Variants in MAST3 observed in about 807,000 individuals in gnomAD.
The protein encoded by MAST3 is microtubule associated serine/threonine kinase 3, also known as microtubule-associated serine/threonine-protein kinase 3.
In MAST3, 43 loss-of-function variants were observed where a neutral mutation model predicts 127.0. The ratio of observed to expected loss-of-function variants is 0.34; its 90% CI spans 0.27 to 0.44. The LOEUF is 0.44. Ranked by LOEUF, MAST3 falls within the 20% of genes least tolerant of loss-of-function variation. The pLI is 1.00. For missense variants in MAST3, 1,390 were observed against 1,919.1 expected (o/e 0.72, Z 5.15); for synonymous variants, 785 against 809.2 (o/e 0.97, Z 0.51).
chr19:18,143,759 G>C lies in MAST3; in HGVS notation c.2340-4G>C. 1 of 1,613,308 alleles carries C rather than the reference G, an allele frequency of 6.2e-7. No homozygotes were observed. Among genetic ancestry groups the C allele is most frequent in the Non-Finnish European group, 8.5e-7 (1 of 1,179,758 alleles). ...GGGGTGATGCAGGCTCTTCCTCCCT[G>C]CAGGCTGAGGTCCTGGACATCCTCT... On this transcript the variant is annotated splice_polypyrimidine_tract_variant and splice_region_variant and intron_variant, in intron 21 of 27. Coordinates refer to ENST00000687212, the MANE Select transcript of MAST3 (RefSeq NM_001393504.1).
intron 3 of MAST3, among the ~76,000 whole-genome samples, chr19:18,118,844 T>C (rs1342184643): frequency 6.6e-6 from 1 of 152,084 alleles, no homozygotes; most frequent in Non-Finnish European, 1.5e-5. Context: ...CTCCTTAACC[T>C]CTCTGTGCTT....
At chr19:18,146,800 T>C (rs2043060587) in intron 25 of MAST3, 81 bp from the exon 26 acceptor site, 2 of 1,373,712 alleles carry the variant, frequency 1.5e-6, no homozygotes, top group Non-Finnish European at 2.0e-6. Flanking sequence ...GTGCCCGGAG[T>C]GAAGGGGACA....
At position 18,145,862 on chromosome 19, in the gene MAST3, GA is replaced by G; in HGVS notation, c.3161del (p.Lys1054ArgfsTer51). The G allele has an allele frequency of 6.3e-7, 1 of 1,592,166 alleles. No individual in the cohort carries two copies. Among genetic ancestry groups the G allele is most frequent in the African/African-American group, 1.4e-5 (1 of 73,702 alleles). ...ACATGGACGTCGTGGAGCTGCTGCT[GA>G]AGGTGCGGCACCCCCACTGCCCACC... ...VHMDVVELLL[K>X]SGNKISLRTT... On this transcript the variant is annotated frameshift_variant and splice_region_variant, in exon 25 of 28. Coordinates refer to ENST00000687212, the MANE Select transcript of MAST3 (RefSeq NM_001393504.1). LOFTEE classifies it high-confidence loss of function. This position sits in a 1 kb window ranked among gnomAD's most constrained non-coding sequence, Gnocchi z 5.9.
chr19:18,125,501 G>T (rs1219156094), intron 11 of MAST3, among the ~76,000 whole-genome samples: 3 of 151,992 alleles, frequency 2.0e-5, no homozygotes, highest in Non-Finnish European at 4.4e-5. Context: ...CAGCACTTTT[G>T]GGAGGCCGAG....
At position 18,145,936 on chromosome 19, in the gene MAST3, G is replaced by T. The variant is rs2042973029; in HGVS notation, c.3162+71G>T. The T allele has an allele frequency of 1.9e-5, 28 of 1,487,128 alleles. No homozygotes were observed. The South Asian group carries it at 3.3e-4, about 18-fold the overall frequency. 92.1% of individuals were successfully genotyped at this position (1,487,128 alleles called of 1,614,324 possible). A position where few individuals can be genotyped will look rare whatever the true frequency, so the allele number is the denominator to read the frequency against. On this transcript the variant is annotated intron_variant, in intron 25 of 27. Coordinates refer to ENST00000687212, the MANE Select transcript of MAST3 (RefSeq NM_001393504.1). This position sits in a 1 kb window ranked among gnomAD's most constrained non-coding sequence, Gnocchi z 5.9. ...TGGCCGCAGCTCCCGGTTCCCCGTG[G>T]TTCTCCGCGTCCAGACACACAACCC... is the stretch of plus-strand genomic sequence containing the variant.
chr19:18,107,957 A>G (rs1396651824), intron 2 of MAST3, among the ~76,000 whole-genome samples: 1 of 152,168 alleles, frequency 6.6e-6, no homozygotes, highest in Admixed American at 6.5e-5. Flanking sequence ...AATGCCTCTC[A>G]TGACGGGGAG....
intron 27 of MAST3, among the ~76,000 whole-genome samples, chr19:18,148,165 G>A (rs555676202): frequency 1.3e-5 from 2 of 152,160 alleles, no homozygotes; most frequent in Non-Finnish European, 2.9e-5. Flanking sequence ...GCCAGGTGTG[G>A]TGGCACATGC....
chr19:18,109,923 C>T, intron 2 of MAST3: 1 of 983,908 alleles, frequency 1.0e-6, no homozygotes, highest in Non-Finnish European at 1.2e-6. Context: ...CGGGCCGGGG[C>T]GGGGAGAGGC....
At chr19:18,137,666 C>T (rs2042020599) in intron 19 of MAST3, among the ~76,000 whole-genome samples, 1 of 152,152 alleles carries the variant, frequency 6.6e-6, no homozygotes, top group African/African-American at 2.4e-5. Flanking sequence ...CCTGGGTGTC[C>T]GTCCCTGACC....
chr19:18,147,021 C>G lies in MAST3; in HGVS notation c.3303C>G (p.Cys1101Trp), dbSNP rs377181632. 3.2e-6 allele frequency: 5 copies of G among 1,569,322 alleles called. No individual in the cohort carries two copies. Among genetic ancestry groups the G allele is most frequent in the East Asian group, 4.7e-5 (2 of 42,984 alleles). The change falls in exon 26 of 28, where the codon TGC (cysteine) becomes TGG (tryptophan). Residue 1101 changes from cysteine to tryptophan, a missense_variant. Transcript: ENST00000687212. ...RSRRRETQDR[C>W]AAVTTRERRK... ...GTCGGCGGGAGACCCAGGATCGGTGCGCGGCAGTGACCACCAGGGAGCGGT... is the reference window on the plus strand; with the variant it reads ...GTCGGCGGGAGACCCAGGATCGGTGGGCGGCAGTGACCACCAGGGAGCGGT...
intron 20 of MAST3, among the ~76,000 whole-genome samples, chr19:18,140,290 A>G (rs529435033): frequency 4.0e-4 from 1 of 2,480 alleles, no homozygotes; most frequent in East Asian, 0.01. Flanking sequence ...AGGCAAGAGT[A>G]TTGCCTGAAC....
rs1318060754 is a variant in MAST3, at chr19:18,149,654, C to T, written c.3972C>T (p.Thr1324=). 2.5e-6 allele frequency: 4 copies of T among 1,613,134 alleles called. No individual in the cohort carries two copies. Among genetic ancestry groups the T allele is most frequent in the Middle Eastern group, 1.6e-4 (1 of 6,084 alleles). ...EPQEEATGLP[T]SVPQIAVEGE... ...AGGAGGAGGCCACTGGGCTGCCCAC[C>T]TCAGTGCCACAGATCGCCGTGGAGG... Residue 1324 remains threonine (T), a synonymous_variant, in exon 28 of 28, where the codon ACC becomes ACT. Coordinates refer to ENST00000687212, the MANE Select transcript of MAST3 (RefSeq NM_001393504.1). The surrounding 1 kb of genome is among the most constrained non-coding windows in gnomAD (Gnocchi z 5.9).
chr19:18,127,422 A>G (rs2040779627), intron 11 of MAST3, among the ~76,000 whole-genome samples: 1 of 151,660 alleles, frequency 6.6e-6, no homozygotes, highest in South Asian at 2.1e-4. Context: ...AGTGGCTTAT[A>G]CCTGTAATCC....
intron 27 of MAST3, 114 bp downstream of exon 27, chr19:18,147,738 T>C (rs1308418954): frequency 2.6e-6 from 2 of 783,732 alleles, no homozygotes; most frequent in East Asian, 2.7e-5. Flanking sequence ...GGGAAAAAGA[T>C]GACCGGGATC....
chr19:18,146,836 C>A, intron 25 of MAST3, 45 bp from the exon 26 acceptor site: 1 of 1,510,594 alleles, frequency 6.6e-7, no homozygotes, highest in Non-Finnish European at 8.9e-7. Context: ...AAGTGCTGGG[C>A]CCTGTGAGAG....
chr19:18,115,968 C>T (rs1188348365), intron 3 of MAST3, among the ~76,000 whole-genome samples: 1 of 152,130 alleles, frequency 6.6e-6, no homozygotes, highest in Non-Finnish European at 1.5e-5. Flanking sequence ...TAGCCAGCTC[C>T]TTCCTCCTCC....
In MAST3 at chr19:18,146,916, G is replaced by A. The variant is rs1053952908; in HGVS notation, c.3198G>A (p.Leu1066=). 2 of 1,557,390 alleles carry A rather than the reference G, an allele frequency of 1.3e-6. No individual in the cohort carries two copies. Among genetic ancestry groups the A allele is most frequent in the Non-Finnish European group, 1.7e-6 (2 of 1,150,268 alleles). The part of the protein sequence containing the change: ...GNKISLRTTA[L]ENTSIKVGPA... ...AGATATCCCTGCGGACCACAGCCCT[G>A]GAGAACACCTCCATCAAGGTGGGCC... Residue 1066 remains leucine (L), a synonymous_variant, in exon 26 of 28, where the codon CTG becomes CTA. Coordinates refer to ENST00000687212, the MANE Select transcript of MAST3 (RefSeq NM_001393504.1).
In MAST3 at chr19:18,110,272, C is replaced by T. The variant is rs1419367225; in HGVS notation, c.72-380C>T. On this transcript the variant is annotated intron_variant, in intron 2 of 27. Transcript: ENST00000687212. The surrounding 1 kb of genome is among the most constrained non-coding windows in gnomAD (Gnocchi z 4.3). Reference sequence around the variant, plus strand: ...CACGATCAGGGCTTCCGGGGGCCAACAAGGGGGCGTCGGTACCCCGCCGCA... The same window carrying T: ...CACGATCAGGGCTTCCGGGGGCCAATAAGGGGGCGTCGGTACCCCGCCGCA... 4 of 985,496 alleles carry T rather than the reference C, an allele frequency of 4.1e-6. No individual in the cohort carries two copies. Among genetic ancestry groups the T allele is most frequent in the Non-Finnish European group, 3.6e-6 (3 of 830,054 alleles). 61.0% of individuals were successfully genotyped at this position (985,496 alleles called of 1,614,324 possible).
intron 21 of MAST3, among the ~76,000 whole-genome samples, chr19:18,143,111 CAA>C (rs71164373): frequency 1.9e-4 from 26 of 139,482 alleles, no homozygotes; most frequent in Admixed American, 3.6e-4. Context: ...GACTCTGTCT[CAA>C]AAAAAAAAAA....
Sources: allele counts gnomAD v4.1 joint callset (sites outside exome capture counted in the v4.1 genomes callset), GRCh38; gene constraint gnomAD v4.1.1; non-coding constraint Gnocchi (gnomAD v3.1); transcripts MANE v1.5; gene names NCBI Gene and HGNC (gene_info 2026-07-23, HGNC 2026-07-21).